TMPRSS7: variants seen among roughly 807,000 people sequenced by gnomAD.
The protein encoded by TMPRSS7 is transmembrane serine protease 7.
TMPRSS7 carries 81 observed loss-of-function variants against 95.6 expected under a neutral mutation model. The ratio of observed to expected loss-of-function variants is 0.85; its 90% CI spans 0.71 to 1.02. The LOEUF (loss-of-function observed/expected upper bound fraction) is 1.02. Among genes scored for constraint, TMPRSS7 ranks in the 50% least tolerant of loss-of-function variants. The probability of loss-of-function intolerance (pLI) is 0.00; values close to 1 mark genes in which losing one functional copy is unlikely to be tolerated. For missense variants in TMPRSS7, 945 were observed against 955.2 expected (o/e 0.99, Z 0.14); for synonymous variants, 364 against 337.8 (o/e 1.08, Z -0.85).
intron 7 of TMPRSS7, among the ~76,000 whole-genome samples, chr3:112,048,370 CAT>C (rs774148666): frequency 5.9e-5 from 9 of 152,180 alleles, no homozygotes; most frequent in East Asian, 3.9e-4. Flanking sequence ...AAAGATAACA[CAT>C]GTTTATTGTA....
intron 9 of TMPRSS7, among the ~76,000 whole-genome samples, chr3:112,053,533 G>A (rs958642843): frequency 6.6e-6 from 1 of 152,152 alleles, no homozygotes; most frequent in African/African-American, 2.4e-5. Flanking sequence ...AGACTACAGG[G>A]GAAGAAGGAA....
chr3:112,034,801 T>C (rs1559949538), upstream of TMPRSS7: 4 of 701,886 alleles, frequency 5.7e-6, no homozygotes. Context: ...GGGCAAAAAC[T>C]GGCTTTGAGA....
At chr3:112,051,658 AT>A (rs2073357847) in intron 9 of TMPRSS7, among the ~76,000 whole-genome samples, 1 of 88,128 alleles carries the variant, frequency 1.1e-5, no homozygotes, top group Admixed American at 1.2e-4. Context: ...CTATCTATCT[AT>A]CTATCTATCA....
At chr3:112,068,697 G>T (rs904927808) in intron 13 of TMPRSS7, among the ~76,000 whole-genome samples, 10 of 152,168 alleles carry the variant, frequency 6.6e-5, no homozygotes, top group Non-Finnish European at 8.8e-5. Context: ...TGCTGAAATT[G>T]CTTATCAGCT....
At chr3:112,074,240 T>A in intron 13 of TMPRSS7, 56 bp from the exon 14 acceptor site, 1 of 1,221,414 alleles carries the variant, frequency 8.2e-7, no homozygotes, top group Non-Finnish European at 1.2e-6. Flanking sequence ...CAAATCTCAT[T>A]CACTCAAGTT....
rs1188741397 is a variant in TMPRSS7, at chr3:112,072,254, G to T, written c.1667-2042G>T. Reference sequence around the variant, plus strand: ...TTGCTAGAGGTCTACTCCAGATGCTGTTTTCCTGGGTATCACCAGTGGAGG... The same window carrying T: ...TTGCTAGAGGTCTACTCCAGATGCTTTTTTCCTGGGTATCACCAGTGGAGG... On this transcript the variant is annotated intron_variant, in intron 13 of 17. Transcript: ENST00000452346. Among the ~76,000 whole-genome samples, 3 of 152,344 alleles carry T rather than the reference G, an allele frequency of 2.0e-5. No homozygotes were observed. The South Asian group carries it at 6.2e-4, about 32-fold the overall frequency.
chr3:112,075,622 A>T, intron 15 of TMPRSS7, 130 bp downstream of exon 15: 1 of 800,116 alleles, frequency 1.2e-6, no homozygotes, highest in Non-Finnish European at 1.8e-6. Flanking sequence ...CATTTTTTGG[A>T]TCCCACGTGT....
At chr3:112,079,644 T>G (rs2073754686) in intron 17 of TMPRSS7, among the ~76,000 whole-genome samples, 1 of 152,194 alleles carries the variant, frequency 6.6e-6, no homozygotes, top group African/African-American at 2.4e-5. Flanking sequence ...TGCATACTCC[T>G]GATTTAGAGG....
intron 4 of TMPRSS7, 142 bp downstream of exon 4, chr3:112,044,464 G>A (rs963458650): frequency 1.3e-5 from 9 of 697,246 alleles, no homozygotes; most frequent in Admixed American, 1.2e-4. Context: ...CACAACTAGC[G>A]ACTCAACTCA....
chr3:112,062,777 A>C (rs2073526188), intron 11 of TMPRSS7, among the ~76,000 whole-genome samples: 1 of 152,168 alleles, frequency 6.6e-6, no homozygotes, highest in African/African-American at 2.4e-5. Context: ...TGCCATTGAA[A>C]TAGTGTTTCC....
exon 18 of TMPRSS7, chr3:112,080,997 A>G: frequency 6.2e-7 from 1 of 1,613,988 alleles, no homozygotes; most frequent in Non-Finnish European, 8.5e-7. Flanking sequence ...GGGGACATGG[A>G]AGTGGACGAC....
chr3:112,051,906 A>C (rs980509986), intron 9 of TMPRSS7, among the ~76,000 whole-genome samples: 6 of 152,148 alleles, frequency 3.9e-5, no homozygotes, highest in Non-Finnish European at 8.8e-5. Flanking sequence ...AGTGGCAAGC[A>C]GTATGTTGTT....
intron 9 of TMPRSS7, among the ~76,000 whole-genome samples, chr3:112,054,654 A>G (rs1376577837): frequency 6.7e-6 from 1 of 148,326 alleles, no homozygotes; most frequent in Non-Finnish European, 1.5e-5. Context: ...TTCTTGTAGA[A>G]GATTGCACTG....
intron 2 of TMPRSS7, 101 bp from the exon 3 acceptor site, chr3:112,041,819 A>G (rs950798974): frequency 1.3e-6 from 1 of 766,162 alleles, no homozygotes; most frequent in Non-Finnish European, 2.1e-6. Flanking sequence ...GCTGCCTAAA[A>G]TAAAATTATT....
At chr3:112,066,435 T>C (rs753900651) in exon 13 of TMPRSS7, 1 of 1,614,064 alleles carries the variant, frequency 6.2e-7, no homozygotes, top group Admixed American at 1.7e-5. Context: ...TCAGGCAGCA[T>C]GGCCCTCTCA....
chr3:112,080,439 A>T (rs2073763251), intron 17 of TMPRSS7, among the ~76,000 whole-genome samples: 4 of 152,162 alleles, frequency 2.6e-5, no homozygotes, highest in Admixed American at 2.6e-4. Context: ...ACCTTCCAAG[A>T]TAACCATGCC....
At chr3:112,040,176 G>C (rs4682348) in intron 2 of TMPRSS7, among the ~76,000 whole-genome samples, 43,902 of 152,088 alleles carry the variant, frequency 0.29, 7,337 homozygotes, top group Middle Eastern at 0.38. Flanking sequence ...TGTCTTGAAC[G>C]GTTCAGGTCA....
intron 13 of TMPRSS7, among the ~76,000 whole-genome samples, chr3:112,073,089 CTTT>C (rs1156538909): frequency 7.8e-5 from 10 of 128,454 alleles, no homozygotes; most frequent in East Asian, 4.5e-4. Context: ...TGTTTCCTGA[CTTT>C]TTTTTTTTTT....
intron 13 of TMPRSS7, 55 bp downstream of exon 13, chr3:112,066,557 A>G: frequency 6.5e-7 from 1 of 1,529,160 alleles, no homozygotes; most frequent in South Asian, 1.1e-5. Context: ...CTTCTAAATC[A>G]GGACAAAAAT....
Sources: gnomAD v4.1 joint callset for allele counts (sites outside exome capture counted in the v4.1 genomes callset) on GRCh38, gnomAD v4.1.1 for gene constraint, MANE v1.5 for transcripts, NCBI Gene and HGNC (gene_info 2026-07-23, HGNC 2026-07-21) for gene names.